Variants in PRH1 observed in about 807,000 individuals in gnomAD.
PRH1 encodes salivary acidic proline-rich phosphoprotein 1/2.
Under a neutral mutation model 7.9 loss-of-function variants are expected in PRH1, and 7 were observed. The observed-to-expected ratio is 0.89, with a 90% CI of 0.50 to 1.67. The LOEUF is 1.67. Ranked by LOEUF, PRH1 falls within the 40% of genes most tolerant of loss-of-function variation. PRH1 has a pLI of 0.00. For missense variants in PRH1, 109 were observed against 223.6 expected (o/e 0.49, Z 3.27); for synonymous variants, 45 against 80.8 (o/e 0.56, Z 2.38).
At chr12:10,919,849 ATT>A (rs1280380022) in intron 2 of PRH1, among the ~76,000 whole-genome samples, 2 of 151,182 alleles carry the variant, frequency 1.3e-5, no homozygotes, top group African/African-American at 4.9e-5. Context: ...TTTTTTAATA[ATT>A]TTTTTGAGAC....
intron 1 of PRH1, among the ~76,000 whole-genome samples, chr12:11,045,097 C>A (rs565127632): frequency 1.3e-4 from 20 of 152,118 alleles, no homozygotes; most frequent in Non-Finnish European, 2.2e-4. Context: ...TAATATGGTA[C>A]ATATACACAA....
intron 2 of PRH1, chr12:10,932,308 A>G (rs1950225472): frequency 2.7e-6 from 1 of 372,950 alleles, no homozygotes; most frequent in Admixed American, 2.5e-5. Context: ...CCAATAAAAT[A>G]ATCAGCTTGC....
upstream of PRH1, among the ~76,000 whole-genome samples, chr12:10,885,685 T>C (rs1044878366): frequency 1.3e-5 from 2 of 152,230 alleles, no homozygotes; most frequent in African/African-American, 4.8e-5. Context: ...ATTCATAAAA[T>C]ATACTACTCA....
chr12:10,908,404 C>T (rs779237673), intron 2 of PRH1: 6 of 1,612,750 alleles, frequency 3.7e-6, no homozygotes, highest in African/African-American at 1.3e-5. Context: ...TTAGCCCATA[C>T]CTTAGCTGCC....
chr12:10,892,523 A>G (rs144541963), intron 2 of PRH1, among the ~76,000 whole-genome samples: 107 of 142,352 alleles, frequency 7.5e-4, no homozygotes, highest in Middle Eastern at 3.8e-3. Flanking sequence ...AAAGTGAATA[A>G]TCTTATTTCA....
At chr12:11,151,588 C>T (rs181576738) in intron 1 of PRH1, among the ~76,000 whole-genome samples, 2 of 152,272 alleles carry the variant, frequency 1.3e-5, no homozygotes, top group Admixed American at 1.3e-4. Flanking sequence ...CCTAACTCAT[C>T]CTTTACTTCC....
chr12:10,907,323 C>T lies in PRH1; in HGVS notation c.-58-23048G>A, dbSNP rs561137663. 5.3e-5 allele frequency among the ~76,000 whole-genome samples: 8 copies of T among 152,048 alleles called. No homozygotes were observed. The South Asian group carries it at 1.7e-3, about 32-fold the overall frequency. Reference sequence around the variant, plus strand: ...TTGATATCAGTTTTATTTATAATGGCCAATAATTGAAAACCATTTGAATGT... The same window carrying T: ...TTGATATCAGTTTTATTTATAATGGTCAATAATTGAAAACCATTTGAATGT... On this transcript the variant is annotated intron_variant, in intron 2 of 3. Transcript: ENST00000539853.
At chr12:10,983,154 C>T (rs1350019962) in intron 1 of PRH1, among the ~76,000 whole-genome samples, 1 of 152,186 alleles carries the variant, frequency 6.6e-6, no homozygotes, top group Non-Finnish European at 1.5e-5. Flanking sequence ...CTCACAAGCC[C>T]ATAGGAGTGG....
At chr12:10,949,219 G>T (rs1319910394) in intron 2 of PRH1, among the ~76,000 whole-genome samples, 1 of 152,156 alleles carries the variant, frequency 6.6e-6, no homozygotes, top group Non-Finnish European at 1.5e-5. Context: ...AGAGATGCAG[G>T]TCAGCAAACA....
intron 2 of PRH1, chr12:10,908,647 C>G (rs1363937900): frequency 1.2e-6 from 2 of 1,613,740 alleles, no homozygotes; most frequent in African/African-American, 2.7e-5. Context: ...TCTCTGTGTC[C>G]TTTGTAATTG....
upstream of PRH1, among the ~76,000 whole-genome samples, chr12:10,884,450 A>G (rs1949459241): frequency 1.3e-5 from 2 of 152,322 alleles, no homozygotes; most frequent in South Asian, 4.1e-4. Context: ...TCTAATTCCT[A>G]AAAGGCACAA....
upstream of PRH1, among the ~76,000 whole-genome samples, chr12:10,887,669 C>G (rs185440755): frequency 5.9e-4 from 89 of 151,278 alleles, no homozygotes; most frequent in Admixed American, 4.9e-3. Flanking sequence ...TTACAGGTCC[C>G]TCGCCACCAT....
chr12:10,925,752 T>C (rs1286953147), intron 2 of PRH1, among the ~76,000 whole-genome samples: 1 of 152,210 alleles, frequency 6.6e-6, no homozygotes, highest in Admixed American at 6.5e-5. Context: ...AACTTATGTT[T>C]CTTTTCTGAA....
At chr12:10,960,919 G>C (rs1308996358) in intron 2 of PRH1, among the ~76,000 whole-genome samples, 3 of 152,168 alleles carry the variant, frequency 2.0e-5, no homozygotes, top group Non-Finnish European at 4.4e-5. Flanking sequence ...AAGAGGCACA[G>C]TGTTTTTTGG....
At chr12:10,897,926 T>G (rs1949671848) in intron 2 of PRH1, among the ~76,000 whole-genome samples, 1 of 152,174 alleles carries the variant, frequency 6.6e-6, no homozygotes, top group South Asian at 2.1e-4. Flanking sequence ...ATGGCTGTTA[T>G]TTTACACCAT....
intron 1 of PRH1, among the ~76,000 whole-genome samples, chr12:11,012,554 G>C (rs1175763250): frequency 2.0e-5 from 3 of 152,104 alleles, no homozygotes; most frequent in Non-Finnish European, 4.4e-5. Context: ...AGATACCAGT[G>C]AAAACTTCCA....
intron 1 of PRH1, among the ~76,000 whole-genome samples, chr12:11,027,890 A>C (rs575107820): frequency 1.1e-4 from 17 of 152,232 alleles, no homozygotes; most frequent in Non-Finnish European, 2.1e-4. Flanking sequence ...GCAGAATATT[A>C]ATCCAAGCAT....
chr12:10,938,173 A>G (rs546803297), intron 2 of PRH1: 3 of 957,512 alleles, frequency 3.1e-6, no homozygotes, highest in African/African-American at 3.3e-5. Flanking sequence ...ACAAAGTTAT[A>G]CACAATGAAA....
rs1250698818 is a variant in PRH1, at chr12:11,089,162, G to T, written n.124-41974C>A. Among the ~76,000 whole-genome samples, 3 of 115,426 alleles carry T rather than the reference G, an allele frequency of 2.6e-5. 1 individual carries two copies. Among genetic ancestry groups the T allele is most frequent in the African/African-American group, 8.7e-5 (3 of 34,390 alleles). 75.7% of individuals were successfully genotyped at this position (115,426 alleles called of 152,430 possible). A position where few individuals can be genotyped will look rare whatever the true frequency, so the allele number is the denominator to read the frequency against. ...TCACTATGTCCTATTCCCCTGGCTA[G>T]TACCTTGCCCGATCCAGGTCATCAT... On this transcript the variant is annotated intron_variant and non_coding_transcript_variant, in intron 1 of 4. Coordinates refer to the PRH1 transcript ENST00000541977.
Sources: allele counts gnomAD v4.1 joint callset (sites outside exome capture counted in the v4.1 genomes callset), GRCh38; gene constraint gnomAD v4.1.1; transcripts MANE v1.5; gene names NCBI Gene and HGNC (gene_info 2026-07-23, HGNC 2026-07-21).